TAF15: variants seen among roughly 807,000 people sequenced by gnomAD.
TAF15 encodes the protein TATA-binding protein-associated factor 2N.
In TAF15, 37 loss-of-function variants were observed where a neutral mutation model predicts 102.5. The ratio of observed to expected loss-of-function variants is 0.36; its 90% CI spans 0.28 to 0.47. The LOEUF (loss-of-function observed/expected upper bound fraction) is 0.47, where lower values mean the gene tolerates loss of function less well. Among genes scored for constraint, TAF15 ranks in the 20% least tolerant of loss-of-function variants. TAF15 has a pLI of 0.99. For missense variants in TAF15, 652 were observed against 760.7 expected, an observed-to-expected ratio of 0.86 and a Z score of 1.68; for synonymous variants, 273 against 259.2, an observed-to-expected ratio of 1.05 and a Z score of -0.51.
chr17:35,836,294 A>G (rs923524155), intron 10 of TAF15, 53 bp downstream of exon 10: 1 of 1,282,328 alleles, frequency 7.8e-7, no homozygotes, highest in South Asian at 1.2e-5. Context: ...TCTGATTACA[A>G]TACATAGACT....
chr17:35,834,382 A>G (rs2087444773), intron 8 of TAF15, 184 bp from the exon 9 acceptor site: 2 of 612,002 alleles, frequency 3.3e-6, no homozygotes, highest in Non-Finnish European at 2.8e-6. Context: ...GTTGACATTC[A>G]TCTTGATTTC....
intron 6 of TAF15, 87 bp downstream of exon 6, chr17:35,822,920 C>G: frequency 6.6e-7 from 1 of 1,518,182 alleles, no homozygotes; most frequent in Non-Finnish European, 9.1e-7. Context: ...CAGAGGATTT[C>G]ACCTGTTTGT....
At chr17:35,819,024 T>C (rs534804415) in intron 2 of TAF15, among the ~76,000 whole-genome samples, 1 of 152,194 alleles carries the variant, frequency 6.6e-6, no homozygotes, top group South Asian at 2.1e-4. Flanking sequence ...AGTGGGCTTC[T>C]CTTACCAAAA....
Position 35,829,456 on chromosome 17 carries a change from C to T in TAF15, c.606-4451C>T, listed in dbSNP as rs1284702599. On this transcript the variant is annotated intron_variant, in intron 7 of 15. Transcript: ENST00000605844. ...GACCATCCTGGCTAACATGGTGAAA[C>T]TCCATCTCTACTAAAAATACAAAAA... Among the ~76,000 whole-genome samples the T allele has an allele frequency of 2.0e-5, 3 of 150,772 alleles. No individual in the cohort carries two copies. In the East Asian group the frequency reaches 5.8e-4, roughly 29 times the overall value.
chr17:35,824,300 A>C, intron 7 of TAF15, 102 bp downstream of exon 7: 1 of 1,478,896 alleles, frequency 6.8e-7, no homozygotes, highest in Non-Finnish European at 9.1e-7. Context: ...AATTTAGTTA[A>C]GAGACTTTAA....
chr17:35,820,530 T>C, intron 5 of TAF15, 93 bp downstream of exon 5: 1 of 330,838 alleles, frequency 3.0e-6, no homozygotes, highest in African/African-American at 2.9e-5. Context: ...AGCTTTAAAC[T>C]TTTTTTTTTT....
At chr17:35,829,476 C>CA (rs2143788620) in intron 7 of TAF15, among the ~76,000 whole-genome samples, 2 of 150,572 alleles carry the variant, frequency 1.3e-5, no homozygotes, top group South Asian at 4.2e-4. Context: ...ACTAAAAATA[C>CA]AAAAAATTAG....
intron 1 of TAF15, chr17:35,817,407 T>G (rs1406244715): frequency 3.0e-6 from 1 of 337,384 alleles, no homozygotes; most frequent in Non-Finnish European, 5.5e-6. Context: ...CAGATGTCTT[T>G]TTGTATATAA....
chr17:35,827,354 A>T (rs1356853842), intron 7 of TAF15, among the ~76,000 whole-genome samples: 1 of 149,688 alleles, frequency 6.7e-6, no homozygotes, highest in Non-Finnish European at 1.5e-5. Flanking sequence ...AAAAAAAAAT[A>T]GTTCTTTTGG....
intron 7 of TAF15, among the ~76,000 whole-genome samples, chr17:35,833,310 T>C (rs2087429939): frequency 6.6e-6 from 1 of 152,202 alleles, no homozygotes; most frequent in African/African-American, 2.4e-5. Context: ...GGGCGGTTTT[T>C]AAGTGATGCT....
At chr17:35,839,012 T>C (rs1226580163) in intron 11 of TAF15, among the ~76,000 whole-genome samples, 4 of 151,984 alleles carry the variant, frequency 2.6e-5, no homozygotes, top group African/African-American at 9.7e-5. Flanking sequence ...ATGCCTATAA[T>C]CCCAGTGCTT....
In TAF15 at chr17:35,845,030, G is replaced by T. The variant is rs2087607471; in HGVS notation, c.1731G>T (p.Met577Ile). Residue 577 changes from methionine (M) to isoleucine (I), a missense_variant, in exon 15 of 16, where the codon ATG becomes ATT. Physicochemically the swap from Met to Ile is conservative, Grantham distance 10. Transcript: ENST00000605844. Reference sequence around the variant, plus strand: ...ACCGAGGTGGCTATGGAGGCAAAATGGGAGGAAGGTGAGTATTAGAATGTG... The same window carrying T: ...ACCGAGGTGGCTATGGAGGCAAAATTGGAGGAAGGTGAGTATTAGAATGTG... ...GGDRGGYGGK[M>I]GGRNDYRNDQ... The T allele has an allele frequency of 1.9e-6, 3 of 1,613,920 alleles. No individual in the cohort carries two copies. Among genetic ancestry groups the T allele is most frequent in the Non-Finnish European group, 2.5e-6 (3 of 1,179,924 alleles).
chr17:35,819,130 A>G (rs1019539792), intron 2 of TAF15, among the ~76,000 whole-genome samples: 1 of 152,220 alleles, frequency 6.6e-6, no homozygotes. Flanking sequence ...AGCTTCCTGA[A>G]AAACAAAACT....
rs890010709 is a variant in TAF15, at chr17:35,844,580, T to C, written c.1281T>C (p.Tyr427=). ...GTGGAGACAGAAGTGGGGGTGGCTATGGTGGAGACAGAAGCAGCGGTGGTG... is the reference window on the plus strand; with the variant it reads ...GTGGAGACAGAAGTGGGGGTGGCTACGGTGGAGACAGAAGCAGCGGTGGTG... The part of the protein sequence containing the change: ...GYGGDRSGGG[Y]GGDRSSGGGY... Residue 427 remains tyrosine (Y), a synonymous_variant, in exon 15 of 16, where the codon TAT becomes TAC. Coordinates refer to ENST00000605844, the MANE Select transcript of TAF15 (RefSeq NM_139215.3). The C allele has an allele frequency of 6.4e-7, 1 of 1,553,970 alleles. No homozygotes were observed.
chr17:35,810,573 C>A (rs2087113626), intron 1 of TAF15: 1 of 152,202 alleles, frequency 6.6e-6, no homozygotes, highest in Admixed American at 6.5e-5. Context: ...TGCTAGAAAC[C>A]ATCATGAGAG....
At chr17:35,827,114 G>A (rs2087339579) in intron 7 of TAF15, among the ~76,000 whole-genome samples, 1 of 151,796 alleles carries the variant, frequency 6.6e-6, no homozygotes, top group South Asian at 2.1e-4. Flanking sequence ...ATTCTTGGCC[G>A]GGTGCGGTGG....
At chr17:35,838,181 CAATT>C (rs1342085992) in intron 10 of TAF15, among the ~76,000 whole-genome samples, 1 of 151,662 alleles carries the variant, frequency 6.6e-6, no homozygotes, top group Non-Finnish European at 1.5e-5. Context: ...AACCCTGTCT[CAATT>C]AAAAAAAATT....
At chr17:35,831,947 T>TGTG in intron 7 of TAF15, among the ~76,000 whole-genome samples, 1 of 151,912 alleles carries the variant, frequency 6.6e-6, no homozygotes, top group Admixed American at 6.6e-5. Context: ...CCGGGCGTGG[T>TGTG]GGCGCCTGCA....
chr17:35,824,239 CTCTTT>C, intron 7 of TAF15, 41 bp downstream of exon 7: 1 of 1,581,894 alleles, frequency 6.3e-7, no homozygotes, highest in Non-Finnish European at 8.6e-7. Context: ...CTTCTTCTTC[CTCTTT>C]TTTTTTTTTT....
Sources: allele counts gnomAD v4.1 joint callset (sites outside exome capture counted in the v4.1 genomes callset), GRCh38; gene constraint gnomAD v4.1.1; transcripts MANE v1.5; gene names NCBI Gene and HGNC (gene_info 2026-07-23, HGNC 2026-07-21).